Variants in CAMK1D observed in about 807,000 individuals in gnomAD.
CAMK1D encodes calcium/calmodulin-dependent protein kinase type 1D.
In CAMK1D, 9 loss-of-function variants were observed where a neutral mutation model predicts 47.7. The observed-to-expected ratio is 0.19, with a 90% CI of 0.11 to 0.33. CAMK1D has a LOEUF of 0.33. Ranked by LOEUF, CAMK1D falls within the 10% of genes least tolerant of loss-of-function variation. CAMK1D has a pLI of 1.00. For missense variants in CAMK1D, 291 were observed against 488.7 expected, an observed-to-expected ratio of 0.60 and a Z score of 3.81; for synonymous variants, 184 against 184.9, an observed-to-expected ratio of 0.99 and a Z score of 0.04.
chr10:12,508,854 C>T lies in CAMK1D; in HGVS notation c.93-44371C>T, dbSNP rs1438527436. Reference sequence around the variant, plus strand: ...ATGAAAATGCGGTGTCCTTCTTTCCCGGACTCTCTTTAAGAAGATTAAAGG... The same window carrying T: ...ATGAAAATGCGGTGTCCTTCTTTCCTGGACTCTCTTTAAGAAGATTAAAGG... On this transcript the variant is annotated intron_variant, in intron 1 of 10. Coordinates refer to ENST00000619168, the MANE Select transcript of CAMK1D (RefSeq NM_153498.4). Among the ~76,000 whole-genome samples, 5 of 152,080 alleles carry T rather than the reference C, an allele frequency of 3.3e-5. No homozygotes were observed. In the South Asian group the frequency reaches 6.2e-4, roughly 19 times the overall value.
At chr10:12,795,902 G>C (rs1336270744) in intron 6 of CAMK1D, among the ~76,000 whole-genome samples, 1 of 152,202 alleles carries the variant, frequency 6.6e-6, no homozygotes, top group Non-Finnish European at 1.5e-5. Context: ...CTGCCAGGAA[G>C]GGCTGAGGAC....
intron 2 of CAMK1D, among the ~76,000 whole-genome samples, chr10:12,652,299 G>C (rs1372608369): frequency 2.0e-5 from 3 of 151,662 alleles, no homozygotes; most frequent in Non-Finnish European, 4.4e-5. Context: ...AAATTCCCTA[G>C]GGCTGGGTGC....
chr10:12,712,136 G>C (rs1252607809), intron 3 of CAMK1D, among the ~76,000 whole-genome samples: 1 of 152,204 alleles, frequency 6.6e-6, no homozygotes, highest in Non-Finnish European at 1.5e-5. Flanking sequence ...AGCAGATGTG[G>C]AAGATGCTTT....
chr10:12,578,165 C>T (rs1219475207), intron 2 of CAMK1D, among the ~76,000 whole-genome samples: 1 of 152,076 alleles, frequency 6.6e-6, no homozygotes, highest in Non-Finnish European at 1.5e-5. Context: ...GCCTCGACCT[C>T]CCGGGCCCAA....
At chr10:12,808,402 G>A (rs545840629) in intron 6 of CAMK1D, among the ~76,000 whole-genome samples, 7 of 152,320 alleles carry the variant, frequency 4.6e-5, no homozygotes, top group Admixed American at 1.3e-4. Flanking sequence ...AATACTTGAC[G>A]TGTGAGTGCT....
intron 1 of CAMK1D, among the ~76,000 whole-genome samples, chr10:12,390,969 ATG>A (rs1838702941): frequency 1.3e-5 from 2 of 152,056 alleles, no homozygotes; most frequent in Non-Finnish European, 2.9e-5. Context: ...GGGTCAACTA[ATG>A]TGCTCAGAGT....
At chr10:12,797,673 G>A (rs745804728) in intron 6 of CAMK1D, among the ~76,000 whole-genome samples, 3 of 152,086 alleles carry the variant, frequency 2.0e-5, no homozygotes, top group African/African-American at 4.8e-5. Context: ...ATTGCATTTC[G>A]GTTTGGCTGC....
chr10:12,373,623 C>T (rs955546210), intron 1 of CAMK1D, among the ~76,000 whole-genome samples: 4 of 151,930 alleles, frequency 2.6e-5, no homozygotes, highest in African/African-American at 9.7e-5. Context: ...CAGAGGGAGG[C>T]TCCATCTCAA....
In CAMK1D at chr10:12,779,362, C is replaced by T. The variant is rs1588917100; in HGVS notation, c.565+9563C>T. ...TCAGTAGGAAGTGACAGAAAACATC[C>T]GTATCAATCACGTAATTGACAAGAC... On this transcript the variant is annotated intron_variant, in intron 5 of 10. Coordinates refer to ENST00000619168, the MANE Select transcript of CAMK1D (RefSeq NM_153498.4). Among the ~76,000 whole-genome samples the T allele has an allele frequency of 2.0e-5, 3 of 152,158 alleles. No homozygotes were observed. The East Asian group carries it at 5.8e-4, about 29-fold the overall frequency.
At chr10:12,454,363 C>T (rs760052501) in intron 1 of CAMK1D, among the ~76,000 whole-genome samples, 37 of 151,870 alleles carry the variant, frequency 2.4e-4, no homozygotes, top group Middle Eastern at 3.2e-3. Context: ...GGGGCTTTAC[C>T]GTGTTAGCCA....
At chr10:12,587,456 G>A (rs899354615) in intron 2 of CAMK1D, among the ~76,000 whole-genome samples, 6 of 151,948 alleles carry the variant, frequency 3.9e-5, no homozygotes, top group African/African-American at 1.2e-4. Flanking sequence ...TGACAGCCGG[G>A]GCTTCTGGAG....
chr10:12,806,715 C>T (rs527686621), intron 6 of CAMK1D, among the ~76,000 whole-genome samples: 1 of 152,294 alleles, frequency 6.6e-6, no homozygotes, highest in African/African-American at 2.4e-5. Context: ...AATGTGTAAT[C>T]AGCTAGGTGA....
At chr10:12,443,590 T>C (rs1273687137) in intron 1 of CAMK1D, among the ~76,000 whole-genome samples, 1 of 152,168 alleles carries the variant, frequency 6.6e-6, no homozygotes, top group Non-Finnish European at 1.5e-5. Context: ...GGCTATTCCA[T>C]AGAGCAGCCC....
chr10:12,392,420 T>C (rs1838769915), intron 1 of CAMK1D, among the ~76,000 whole-genome samples: 2 of 152,190 alleles, frequency 1.3e-5, no homozygotes, highest in Non-Finnish European at 1.5e-5. Flanking sequence ...CCTGAATTTA[T>C]CTACTCTAAG....
intron 1 of CAMK1D, among the ~76,000 whole-genome samples, chr10:12,449,417 C>G (rs770766323): frequency 4.6e-5 from 7 of 151,790 alleles, no homozygotes; most frequent in Non-Finnish European, 8.8e-5. Flanking sequence ...GCTGTGTATA[C>G]CCTAGGTCAG....
At chr10:12,602,732 C>T (rs1032925529) in intron 2 of CAMK1D, among the ~76,000 whole-genome samples, 6 of 151,880 alleles carry the variant, frequency 4.0e-5, no homozygotes, top group Non-Finnish European at 5.9e-5. Flanking sequence ...GTTTCAGGTC[C>T]GTAATGGCAC....
At chr10:12,606,121 C>T (rs1351866237) in intron 2 of CAMK1D, among the ~76,000 whole-genome samples, 1 of 152,216 alleles carries the variant, frequency 6.6e-6, no homozygotes, top group Non-Finnish European at 1.5e-5. Flanking sequence ...TGAAAGCAGC[C>T]AGAATAACCG....
At position 12,388,895 on chromosome 10, in the gene CAMK1D, G is replaced by C. The variant is rs145508399; in HGVS notation, c.92+38985G>C. Among the ~76,000 whole-genome samples, 46 of 152,322 alleles carry C rather than the reference G, an allele frequency of 3.0e-4. 2 individuals carry two copies. Among genetic ancestry groups the C allele is most frequent in the African/African-American group, 1.1e-3 (45 of 41,572 alleles). ...GAGGCACGTCGTGCTGTTCTAGAAAGCCTGTCGTTGGAGGAAAACACTTGA... is the reference window on the plus strand; with the variant it reads ...GAGGCACGTCGTGCTGTTCTAGAAACCCTGTCGTTGGAGGAAAACACTTGA... On this transcript the variant is annotated intron_variant, in intron 1 of 10. Coordinates refer to ENST00000619168, the MANE Select transcript of CAMK1D (RefSeq NM_153498.4).
At chr10:12,654,918 T>C (rs1482384604) in intron 2 of CAMK1D, among the ~76,000 whole-genome samples, 5 of 152,296 alleles carry the variant, frequency 3.3e-5, no homozygotes, top group African/African-American at 1.2e-4. Context: ...GGAGAAACTA[T>C]AAAGAACTTG....
Sources: allele counts gnomAD v4.1 joint callset (sites outside exome capture counted in the v4.1 genomes callset), GRCh38; gene constraint gnomAD v4.1.1; transcripts MANE v1.5; gene names NCBI Gene and HGNC (gene_info 2026-07-23, HGNC 2026-07-21).